RARB: variants seen among roughly 807,000 people sequenced by gnomAD.
RARB encodes the protein HBV-activated protein.
A neutral mutation model predicts 51.9 loss-of-function variants in RARB; 17 were observed. That is an observed-to-expected ratio of 0.33 (90% CI 0.22 to 0.49). The LOEUF is 0.49. Among genes scored for constraint, RARB ranks in the 20% least tolerant of loss-of-function variants. RARB has a pLI of 0.99. For missense variants in RARB, 369 were observed against 550.8 expected, an observed-to-expected ratio of 0.67 and a Z score of 3.30; for synonymous variants, 215 against 195.4, an observed-to-expected ratio of 1.10 and a Z score of -0.84.
chr3:25,434,012 G>A (rs945575432), intron 1 of RARB, among the ~76,000 whole-genome samples: 1 of 152,170 alleles, frequency 6.6e-6, no homozygotes, highest in Non-Finnish European at 1.5e-5. Flanking sequence ...CCTGTAGGGT[G>A]GGGGAGCTAC....
intron 3 of RARB, among the ~76,000 whole-genome samples, chr3:25,559,721 T>C (rs1419979120): frequency 1.3e-5 from 2 of 152,078 alleles, no homozygotes; most frequent in African/African-American, 4.8e-5. Flanking sequence ...GATTGATGAA[T>C]GGACAGAGAT....
intron 2 of RARB, among the ~76,000 whole-genome samples, chr3:24,982,337 T>A (rs1696696022): frequency 6.6e-6 from 1 of 152,236 alleles, no homozygotes; most frequent in South Asian, 2.1e-4. Context: ...CCTGGTTGAT[T>A]TCTACATCTT....
At chr3:24,959,430 C>T (rs576294097) in intron 2 of RARB, among the ~76,000 whole-genome samples, 41 of 152,184 alleles carry the variant, frequency 2.7e-4, no homozygotes, top group Non-Finnish European at 4.6e-4. Context: ...AACTTCTCTC[C>T]GGTGTTCAGC....
chr3:24,913,377 CAT>C (rs1357714711), intron 2 of RARB, among the ~76,000 whole-genome samples: 38 of 147,824 alleles, frequency 2.6e-4, no homozygotes, highest in Admixed American at 1.9e-3. Flanking sequence ...TATGAAGTGA[CAT>C]AGTCTTCTTT....
At chr3:25,057,566 T>C (rs79049802) in intron 2 of RARB, among the ~76,000 whole-genome samples, 1 of 152,148 alleles carries the variant, frequency 6.6e-6, no homozygotes, top group South Asian at 2.1e-4. Flanking sequence ...TTGAATCCAA[T>C]TTTTGCTTTG....
chr3:24,890,430 T>C (rs1278974099), intron 2 of RARB, among the ~76,000 whole-genome samples: 3 of 152,214 alleles, frequency 2.0e-5, no homozygotes, highest in Non-Finnish European at 4.4e-5. Context: ...TTTGGACTTA[T>C]TTCACGAGCG....
At chr3:25,265,984 GTCATCCTTACACTGCCATT>G (rs1703116111) in intron 5 of RARB, among the ~76,000 whole-genome samples, 1 of 152,008 alleles carries the variant, frequency 6.6e-6, no homozygotes, top group Non-Finnish European at 1.5e-5. Flanking sequence ...TCTCAACCTA[GTCATCCTTACACTGCCATT>G]TCTATAGTTC....
intron 2 of RARB, among the ~76,000 whole-genome samples, chr3:24,984,530 T>C (rs1160176741): frequency 2.0e-5 from 3 of 152,194 alleles, no homozygotes; most frequent in Non-Finnish European, 4.4e-5. Flanking sequence ...ATCTCACTTA[T>C]ATGTGGGATC....
chr3:25,351,141 G>C (rs951443775), intron 5 of RARB, among the ~76,000 whole-genome samples: 3 of 152,128 alleles, frequency 2.0e-5, no homozygotes, highest in African/African-American at 7.2e-5. Flanking sequence ...AGACTGGTTA[G>C]TGAGCATTAG....
At chr3:25,345,147 G>A (rs990985880) in intron 5 of RARB, among the ~76,000 whole-genome samples, 1 of 152,124 alleles carries the variant, frequency 6.6e-6, no homozygotes, top group Non-Finnish European at 1.5e-5. Flanking sequence ...GGGTCCTAAA[G>A]AGAAAAAGTG....
chr3:24,912,006 G>C (rs375777801), intron 2 of RARB, among the ~76,000 whole-genome samples: 1 of 152,204 alleles, frequency 6.6e-6, no homozygotes. Context: ...GACGTGCAAT[G>C]ATAAAAAAAC....
At chr3:25,363,485 A>G (rs781212573) in intron 5 of RARB, among the ~76,000 whole-genome samples, 2 of 152,076 alleles carry the variant, frequency 1.3e-5, no homozygotes, top group Non-Finnish European at 2.9e-5. Flanking sequence ...TCATCTTTCC[A>G]GTTGCTTAGG....
chr3:24,878,124 G>A (rs1240527106), intron 2 of RARB, among the ~76,000 whole-genome samples: 1 of 151,992 alleles, frequency 6.6e-6, no homozygotes, highest in Non-Finnish European at 1.5e-5. Context: ...GAATTGTGTT[G>A]TCTTAATGAA....
intron 2 of RARB, among the ~76,000 whole-genome samples, chr3:25,478,226 G>A (rs1250477848): frequency 6.6e-6 from 1 of 152,174 alleles, no homozygotes; most frequent in Non-Finnish European, 1.5e-5. Context: ...CCAGGTACAA[G>A]AGGAGGGGAC....
rs116492295 is a variant in RARB at position 25,506,806 on chromosome 3, C to A, written c.448+5483C>A. On this transcript the variant is annotated intron_variant, in intron 3 of 7. Transcript: ENST00000330688. Reference sequence around the variant, plus strand: ...CAATGTCTGCTTTAAGTGGCTCATCCGGTGGCCAAGGATGCCACTTAGGGC... The same window carrying A: ...CAATGTCTGCTTTAAGTGGCTCATCAGGTGGCCAAGGATGCCACTTAGGGC... 6.6e-5 allele frequency among the ~76,000 whole-genome samples: 10 copies of A among 152,378 alleles called. No individual in the cohort carries two copies. The South Asian group carries it at 1.9e-3, about 28-fold the overall frequency.
chr3:25,419,701 G>T (rs546376669), intron 5 of RARB, among the ~76,000 whole-genome samples: 1 of 152,146 alleles, frequency 6.6e-6, no homozygotes, highest in African/African-American at 2.4e-5. Flanking sequence ...TGAAGCCCTG[G>T]AAGCACCATG....
chr3:24,888,843 A>G (rs1206580210), intron 2 of RARB, among the ~76,000 whole-genome samples: 3 of 152,210 alleles, frequency 2.0e-5, no homozygotes, highest in Non-Finnish European at 4.4e-5. Context: ...TTACTGGAGC[A>G]GGGCTGTGCA....
At chr3:24,941,531 G>A (rs1695667883) in intron 2 of RARB, among the ~76,000 whole-genome samples, 2 of 151,952 alleles carry the variant, frequency 1.3e-5, no homozygotes, top group South Asian at 2.1e-4. Flanking sequence ...CAGCATGCCC[G>A]GCTCATTTTT....
chr3:25,465,156 T>C (rs1415983393), intron 2 of RARB, among the ~76,000 whole-genome samples: 1 of 152,196 alleles, frequency 6.6e-6, no homozygotes, highest in East Asian at 1.9e-4. Flanking sequence ...GTAGAAAAGA[T>C]TATTGTCTAG....
Sources: gnomAD v4.1 joint callset for allele counts (sites outside exome capture counted in the v4.1 genomes callset) on GRCh38, gnomAD v4.1.1 for gene constraint, MANE v1.5 for transcripts, NCBI Gene and HGNC (gene_info 2026-07-23, HGNC 2026-07-21) for gene names.